TMEM217B: variants seen among roughly 807,000 people sequenced by gnomAD.
TMEM217B encodes transmembrane protein 217B, also known as putative transmembrane protein 217B.
the TMEM217B span, among the ~76,000 whole-genome samples, chr6:37,257,171 T>C: frequency 2.6e-5 from 4 of 152,186 alleles, no homozygotes; most frequent in African/African-American, 7.2e-5. Context: ...GAGTTATGGA[T>C]TGACATAGGG....
the TMEM217B span, chr6:37,212,311 G>T: frequency 2.8e-6 from 1 of 354,752 alleles, no homozygotes; most frequent in South Asian, 2.1e-5. Context: ...AAACTCAAAA[G>T]CCCTGACAAA....
chr6:37,224,017 A>G, the TMEM217B span, among the ~76,000 whole-genome samples: 9 of 148,708 alleles, frequency 6.1e-5, no homozygotes, highest in Non-Finnish European at 1.3e-4. Flanking sequence ...GCTCACTGCA[A>G]CCTCCGCCTC....
the TMEM217B span, among the ~76,000 whole-genome samples, chr6:37,230,142 G>A: frequency 6.6e-6 from 1 of 152,318 alleles, no homozygotes; most frequent in South Asian, 2.1e-4. Context: ...GGTACATCAA[G>A]TCCTTCTCAC....
chr6:37,220,078 A>C, the TMEM217B span, among the ~76,000 whole-genome samples: 5 of 152,370 alleles, frequency 3.3e-5, no homozygotes, highest in South Asian at 1.0e-3. Flanking sequence ...AATAAGAACT[A>C]TACAAAAGTA....
At chr6:37,221,655 A>ACCT in the TMEM217B span, among the ~76,000 whole-genome samples, 1 of 152,252 alleles carries the variant, frequency 6.6e-6, no homozygotes, top group South Asian at 2.1e-4. Flanking sequence ...ATAGAAAATG[A>ACCT]CCTAGTGTTA....
the TMEM217B span, among the ~76,000 whole-genome samples, chr6:37,220,957 T>C: frequency 7.0e-3 from 1,066 of 152,218 alleles, 9 homozygotes; most frequent in Non-Finnish European, 0.012. Flanking sequence ...ATAATATATA[T>C]ACAAGATAAA....
the TMEM217B span, chr6:37,218,644 C>T: frequency 6.2e-7 from 1 of 1,614,142 alleles, no homozygotes; most frequent in Non-Finnish European, 8.5e-7. Flanking sequence ...CCAAGCCAAA[C>T]CAGCGCATGA....
chr6:37,243,887 G>A, the TMEM217B span, among the ~76,000 whole-genome samples: 125 of 152,270 alleles, frequency 8.2e-4, no homozygotes, highest in Middle Eastern at 6.8e-3. Context: ...TGGATGGGGG[G>A]GTGCACAGGA....
the TMEM217B span, among the ~76,000 whole-genome samples, chr6:37,240,424 C>T: frequency 2.6e-5 from 4 of 152,232 alleles, no homozygotes; most frequent in Non-Finnish European, 4.4e-5. Context: ...TTCCTCACCT[C>T]CTGGGCCTTT....
At chr6:37,257,989 TGA>T in the TMEM217B span, 7 of 1,613,688 alleles carry the variant, frequency 4.3e-6, no homozygotes, top group Non-Finnish European at 5.1e-6. Flanking sequence ...CCCAGGACGC[TGA>T]GAGGGATAGG....
the TMEM217B span, among the ~76,000 whole-genome samples, chr6:37,220,703 G>A: frequency 7.4e-4 from 112 of 152,178 alleles, no homozygotes; most frequent in African/African-American, 2.5e-3. Flanking sequence ...TTTTATGCTG[G>A]TCTTCATCCT....
chr6:37,248,351 T>C, the TMEM217B span, among the ~76,000 whole-genome samples: 1,048 of 152,316 alleles, frequency 6.9e-3, 11 homozygotes, highest in African/African-American at 0.022. Context: ...ATCTACAGTG[T>C]GTGGCAATGA....
At chr6:37,212,288 T>A in the TMEM217B span, 1 of 351,154 alleles carries the variant, frequency 2.8e-6, no homozygotes, top group Non-Finnish European at 5.6e-6. Flanking sequence ...CGAGAATCAT[T>A]CCTCAGTGCG....
chr6:37,257,665 T>C, the TMEM217B span: 1 of 522,778 alleles, frequency 1.9e-6, no homozygotes, highest in Non-Finnish European at 3.4e-6. Context: ...GCCCCTGACG[T>C]TACCGGTCGG....
chr6:37,231,354 G>A, the TMEM217B span, among the ~76,000 whole-genome samples: 97,760 of 149,202 alleles, frequency 0.66, 32,154 homozygotes, highest in East Asian at 0.84. Context: ...ACAGGCGTGA[G>A]TGATCACACC....
the TMEM217B span, among the ~76,000 whole-genome samples, chr6:37,229,348 T>TG: frequency 7.7e-6 from 1 of 129,520 alleles, no homozygotes; most frequent in African/African-American, 3.1e-5. Context: ...TTTTTTTTTT[T>TG]TTTTTTTTTT....
chr6:37,245,015 G>A, the TMEM217B span, among the ~76,000 whole-genome samples: 24,161 of 152,114 alleles, frequency 0.16, 2,361 homozygotes, highest in Non-Finnish European at 0.21. Context: ...ATGGCAGAGA[G>A]CAACAGTGAC....
At chr6:37,223,480 C>T in the TMEM217B span, among the ~76,000 whole-genome samples, 21 of 152,290 alleles carry the variant, frequency 1.4e-4, 1 homozygote, top group East Asian at 3.9e-3. Flanking sequence ...ATAGAAACCC[C>T]TGCCAACCTA....
At chr6:37,254,665 A>G in the TMEM217B span, among the ~76,000 whole-genome samples, 336 of 152,284 alleles carry the variant, frequency 2.2e-3, no homozygotes, top group African/African-American at 7.0e-3. Flanking sequence ...AGAAATATTT[A>G]TATTCTTCCT....
Sources: allele counts gnomAD v4.1 joint callset (sites outside exome capture counted in the v4.1 genomes callset), GRCh38; gene constraint gnomAD v4.1.1; transcripts MANE v1.5; gene names NCBI Gene and HGNC (gene_info 2026-07-23, HGNC 2026-07-21).